The following KAT6B variants were observed in gnomAD, a reference collection of about 807,000 sequenced individuals.
KAT6B encodes the protein lysine acetyltransferase 6B.
A neutral mutation model predicts 187.5 loss-of-function variants in KAT6B; 10 were observed. The observed-to-expected ratio is 0.05, with a 90% CI of 0.03 to 0.09. The LOEUF (loss-of-function observed/expected upper bound fraction) is 0.09. KAT6B is among the 10% of genes least tolerant of loss of function. The pLI, the probability that KAT6B is intolerant of heterozygous loss-of-function variation, is 1.00. For synonymous variants in KAT6B, 861 were observed against 926.8 expected (o/e 0.93, Z 1.29); for missense variants, 1,952 against 2,558.9 (o/e 0.76, Z 5.12).
intron 3 of KAT6B, among the ~76,000 whole-genome samples, chr10:74,955,296 C>G (rs977346700): frequency 2.0e-5 from 3 of 151,118 alleles, no homozygotes; most frequent in South Asian, 2.1e-4. Context: ...GTTGAATCCA[C>G]GGATATTAAT....
intron 11 of KAT6B, chr10:74,983,149 A>G (rs1458196253): frequency 6.6e-6 from 1 of 152,190 alleles, no homozygotes; most frequent in Non-Finnish European, 1.5e-5. Context: ...TAGGTGATAT[A>G]TTAGTTCTTA....
chr10:74,841,551 C>T (rs1228850891), intron 2 of KAT6B, among the ~76,000 whole-genome samples: 3 of 150,980 alleles, frequency 2.0e-5, no homozygotes, highest in East Asian at 3.9e-4. Flanking sequence ...GGTGACAGAG[C>T]GAGACTCTAT....
At chr10:74,827,861 A>G (rs190387786) in intron 1 of KAT6B, among the ~76,000 whole-genome samples, 8 of 152,206 alleles carry the variant, frequency 5.3e-5, no homozygotes, top group East Asian at 1.9e-4. Flanking sequence ...GGGTCTCACT[A>G]TGTTGCCCAG....
intron 3 of KAT6B, among the ~76,000 whole-genome samples, chr10:74,900,570 A>G (rs2132756446): frequency 6.6e-6 from 1 of 152,314 alleles, no homozygotes; most frequent in East Asian, 1.9e-4. Context: ...GCATGTGCCC[A>G]TGCTTTAGAC....
chr10:75,022,053 C>T lies in KAT6B; in HGVS notation c.3194C>T (p.Ser1065Phe), dbSNP rs932061960. 2.0e-5 allele frequency: 33 copies of T among 1,612,474 alleles called. No homozygotes were observed. The highest frequency in any genetic ancestry group is 2.6e-5 in the Non-Finnish European group (31 of 1,179,774). ...TGERGQLLEL[S>F]KESSEEEEEE... ...GAGCGAGGGCAGCTGCTGGAGCTGTCTAAAGAGAGCAGTGAAGAAGAAGAG... is the reference window on the plus strand; with the variant it reads ...GAGCGAGGGCAGCTGCTGGAGCTGTTTAAAGAGAGCAGTGAAGAAGAAGAG... The change falls in exon 16 of 18, where the codon TCT (serine) becomes TTT (phenylalanine). Residue 1065 changes from serine (S) to phenylalanine (F), a missense_variant. Around this residue, in one of 9 missense-constraint regions of KAT6B, gnomAD observed 758 missense variants for 891.4 expected, o/e 0.85. Coordinates refer to ENST00000287239, the MANE Select transcript of KAT6B (RefSeq NM_012330.4).
intron 3 of KAT6B, among the ~76,000 whole-genome samples, chr10:74,912,404 G>GATAGATAGATAA (rs1847306652): frequency 6.6e-6 from 1 of 152,056 alleles, no homozygotes; most frequent in Non-Finnish European, 1.5e-5. Flanking sequence ...TAGATAGATA[G>GATAGATAGATAA]ATAGATAGAA....
chr10:74,841,863 A>T (rs1232741114), intron 2 of KAT6B, among the ~76,000 whole-genome samples: 1 of 152,182 alleles, frequency 6.6e-6, no homozygotes, highest in African/African-American at 2.4e-5. Flanking sequence ...TTGGAGATCT[A>T]GGGTGGTTTT....
intron 13 of KAT6B, among the ~76,000 whole-genome samples, chr10:75,012,889 A>G (rs1844715202): frequency 6.6e-6 from 1 of 152,262 alleles, no homozygotes; most frequent in East Asian, 1.9e-4. Context: ...AAGGAAGACC[A>G]TTCCACTCTG....
Position 74,898,980 on chromosome 10 carries a change from C to T in KAT6B, c.621+55502C>T, listed in dbSNP as rs535549722. Among the ~76,000 whole-genome samples the T allele has an allele frequency of 3.8e-5, 5 of 132,818 alleles. No individual in the cohort carries two copies. In the South Asian group the frequency reaches 7.4e-4, roughly 20 times the overall value. The allele number at this position is 132,818 out of a possible 152,430, so 87.1% of individuals were successfully genotyped here. A position where few individuals can be genotyped will look rare whatever the true frequency, so the allele number is the denominator to read the frequency against. On this transcript the variant is annotated intron_variant, in intron 3 of 17. Transcript: ENST00000287239. The stretch of plus-strand genomic sequence containing the variant: ...AGCCTGGCCAACATGGTGAAACCCC[C>T]GTCTGTACTAAAAATACAAAAAAAA...
At position 75,032,062 on chromosome 10, in the gene KAT6B, A is replaced by G. The variant is rs946709437; in HGVS notation, c.*1016A>G. On this transcript the variant is annotated 3_prime_UTR_variant, in exon 18 of 18. Transcript: ENST00000287239. ...GCTTACAAATCGCATGTAAAAAAGCAAAAAAGTTATTTGTGTCTGTTTATA... is the reference window on the plus strand; with the variant it reads ...GCTTACAAATCGCATGTAAAAAAGCGAAAAAGTTATTTGTGTCTGTTTATA... 5 of 195,442 alleles carry G rather than the reference A, an allele frequency of 2.6e-5. No individual in the cohort carries two copies. The highest frequency in any genetic ancestry group is 9.2e-5 in the African/African-American group (4 of 43,246). The allele number at this position is 195,442 out of a possible 1,614,324, so 12.1% of individuals were successfully genotyped here.
intron 3 of KAT6B, among the ~76,000 whole-genome samples, chr10:74,950,018 C>T (rs539464271): frequency 2.0e-4 from 30 of 152,014 alleles, no homozygotes; most frequent in African/African-American, 6.5e-4. Context: ...CCACAGAGCT[C>T]GGGGGGATGA....
At chr10:74,868,660 C>T (rs1016961285) in intron 3 of KAT6B, among the ~76,000 whole-genome samples, 1 of 152,180 alleles carries the variant, frequency 6.6e-6, no homozygotes, top group Non-Finnish European at 1.5e-5. Flanking sequence ...TAGAGCCTTT[C>T]GATTCAGAGC....
At chr10:74,830,486 T>G (rs1162286578) in intron 1 of KAT6B, among the ~76,000 whole-genome samples, 2 of 151,812 alleles carry the variant, frequency 1.3e-5, no homozygotes, top group Non-Finnish European at 2.9e-5. Context: ...ACACTTTTAG[T>G]TTTCAAAAGT....
intron 3 of KAT6B, among the ~76,000 whole-genome samples, chr10:74,866,748 T>A (rs1354821997): frequency 6.6e-6 from 1 of 152,200 alleles, no homozygotes; most frequent in Non-Finnish European, 1.5e-5. Flanking sequence ...AAAAGAAGAT[T>A]AACAAGCATT....
intron 13 of KAT6B, among the ~76,000 whole-genome samples, chr10:74,996,890 A>G (rs1354995594): frequency 6.6e-6 from 1 of 152,134 alleles, no homozygotes; most frequent in Non-Finnish European, 1.5e-5. Flanking sequence ...AGACTTGACT[A>G]TATAAAAATA....
intron 3 of KAT6B, among the ~76,000 whole-genome samples, chr10:74,934,613 G>T (rs1042887002): frequency 6.6e-6 from 1 of 152,084 alleles, no homozygotes; most frequent in Admixed American, 6.5e-5. Context: ...CATCTGCTGC[G>T]TGGGTCTCCA....
intron 3 of KAT6B, among the ~76,000 whole-genome samples, chr10:74,872,406 C>T (rs781545983): frequency 1.3e-5 from 2 of 152,150 alleles, no homozygotes; most frequent in Non-Finnish European, 2.9e-5. Context: ...GACAGAGTCT[C>T]ACTCTGTCAC....
At chr10:74,890,611 G>A (rs771859268) in intron 3 of KAT6B, among the ~76,000 whole-genome samples, 5 of 152,128 alleles carry the variant, frequency 3.3e-5, no homozygotes, top group Non-Finnish European at 7.4e-5. Flanking sequence ...CAGTTTTCTC[G>A]GAGTACACGT....
rs1346806408 is a variant in KAT6B at position 75,028,895 on chromosome 10, G to A, written c.4071G>A (p.Glu1357=). 1.2e-6 allele frequency: 2 copies of A among 1,607,572 alleles called. No individual in the cohort carries two copies. The highest frequency in any genetic ancestry group is 1.1e-5 in the South Asian group (1 of 90,996). ...AACCTGAGGAAGAGGAAGAGGAGGA[G>A]GAGGAGGAAGAGGAAGAAGAGGAAG... The part of the protein sequence containing the change: ...LIKPEEEEEE[E]EEEEEEEEEE... The change falls in exon 18 of 18, where the codon GAG becomes GAA. Residue 1357 remains glutamate (E), a synonymous_variant. Transcript: ENST00000287239.
Sources: allele counts gnomAD v4.1 joint callset (sites outside exome capture counted in the v4.1 genomes callset), GRCh38; gene constraint gnomAD v4.1.1; regional missense constraint gnomAD v4.1.1; transcripts MANE v1.5; gene names NCBI Gene and HGNC (gene_info 2026-07-23, HGNC 2026-07-21).